Variants in TEX9 observed in about 807,000 individuals in gnomAD.
TEX9 encodes testis expressed 9.
Under a neutral mutation model 59.6 loss-of-function variants are expected in TEX9, and 74 were observed. The ratio of observed to expected loss-of-function variants is 1.24; its 90% confidence interval spans 1.03 to 1.51. The LOEUF (loss-of-function observed/expected upper bound fraction) is 1.51. Ranked by LOEUF, TEX9 falls within the 40% of genes most tolerant of loss-of-function variation. The pLI is 0.00. For missense variants in TEX9, 522 were observed against 447.8 expected, an observed-to-expected ratio of 1.17 and a Z score of -1.49; for synonymous variants, 186 against 152.2, an observed-to-expected ratio of 1.22 and a Z score of -1.64.
At chr15:56,431,859 A>C (rs967091836) in intron 12 of TEX9, among the ~76,000 whole-genome samples, 1 of 151,974 alleles carries the variant, frequency 6.6e-6, no homozygotes, top group Non-Finnish European at 1.5e-5. Context: ...AAAACAAAAA[A>C]TAGTGAATAA....
At position 56,405,747 on chromosome 15, in the gene TEX9, T is replaced by C. The variant is rs1288148576; in HGVS notation, c.829-6555T>C. Among the ~76,000 whole-genome samples, 3 of 152,228 alleles carry C rather than the reference T, an allele frequency of 2.0e-5. No homozygotes were observed. The East Asian group carries it at 5.8e-4, about 29-fold the overall frequency. On this transcript the variant is annotated intron_variant, in intron 9 of 12. Coordinates refer to ENST00000352903, the Ensembl canonical transcript of TEX9. ...ATCTCTATACAAACAAATCTCGGTG[T>C]ACAGTTCACAGAAAATGCCAGAGCT...
chr15:56,403,880 G>A (rs1279873431), intron 9 of TEX9, among the ~76,000 whole-genome samples: 1 of 152,220 alleles, frequency 6.6e-6, no homozygotes, highest in Non-Finnish European at 1.5e-5. Context: ...AAGAAATGGG[G>A]AAAGGAGTCC....
intron 2 of TEX9, among the ~76,000 whole-genome samples, chr15:56,373,054 A>G (rs145504964): frequency 5.2e-4 from 79 of 152,290 alleles, no homozygotes; most frequent in African/African-American, 1.8e-3. Context: ...ACTTCTGCCC[A>G]CATTAGAGCA....
chr15:56,310,183 A>G (rs1186109444), intron 1 of TEX9, among the ~76,000 whole-genome samples: 1 of 152,102 alleles, frequency 6.6e-6, no homozygotes, highest in Non-Finnish European at 1.5e-5. Flanking sequence ...TGTAATCCCG[A>G]CACTTTGGGA....
intron 9 of TEX9, among the ~76,000 whole-genome samples, chr15:56,411,931 C>G (rs1324408210): frequency 1.3e-5 from 2 of 152,080 alleles, no homozygotes. Flanking sequence ...GAGAGTTTCT[C>G]TTAACATTGG....
At chr15:56,454,015 C>T in the TEX9 span, among the ~76,000 whole-genome samples, 1 of 152,084 alleles carries the variant, frequency 6.6e-6, no homozygotes, top group Non-Finnish European at 1.5e-5. Flanking sequence ...TCCATTTCTG[C>T]ATGACAGTGA....
intron 3 of TEX9, chr15:56,374,517 C>A (rs1034188002): frequency 6.6e-6 from 1 of 152,066 alleles, no homozygotes; most frequent in Admixed American, 6.6e-5. Context: ...TCCATCCCCT[C>A]AAGTATTTAT....
At chr15:56,377,243 G>A (rs562274338) in intron 3 of TEX9, among the ~76,000 whole-genome samples, 2 of 152,114 alleles carry the variant, frequency 1.3e-5, no homozygotes, top group Admixed American at 1.3e-4. Flanking sequence ...TTCTGAGTCT[G>A]TTGTGGTTCC....
At position 56,334,781 on chromosome 15, in the gene TEX9, A is replaced by G. The variant is rs189052057; in HGVS notation, c.-106-38660A>G. On this transcript the variant is annotated intron_variant, in intron 1 of 5. Coordinates refer to the TEX9 transcript ENST00000560827. ...GACAAGCGATTAATAACCAGAATATATAAGGAGCTCAAACAACTCCATAGG... is the reference window on the plus strand; with the variant it reads ...GACAAGCGATTAATAACCAGAATATGTAAGGAGCTCAAACAACTCCATAGG... Among the ~76,000 whole-genome samples, 8 of 152,342 alleles carry G rather than the reference A, an allele frequency of 5.3e-5. No individual in the cohort carries two copies. In the East Asian group the frequency reaches 1.5e-3, roughly 29 times the overall value.
At chr15:56,389,513 AT>A in intron 6 of TEX9, 113 bp downstream of exon 6, 1 of 723,736 alleles carries the variant, frequency 1.4e-6, no homozygotes, top group Non-Finnish European at 2.3e-6. Flanking sequence ...CACCCTAAAC[AT>A]TAAGTTACAC....
At chr15:56,386,108 A>G (rs909028939) in intron 4 of TEX9, among the ~76,000 whole-genome samples, 1 of 152,260 alleles carries the variant, frequency 6.6e-6, no homozygotes, top group East Asian at 1.9e-4. Context: ...ATGGAATACT[A>G]CTTGGCAATA....
intron 1 of TEX9, among the ~76,000 whole-genome samples, chr15:56,282,450 G>T (rs1260213364): frequency 2.0e-5 from 3 of 152,100 alleles, no homozygotes; most frequent in Non-Finnish European, 2.9e-5. Context: ...ATGCTAGGGT[G>T]TCCACCGTTA....
intron 1 of TEX9, among the ~76,000 whole-genome samples, chr15:56,344,771 A>G (rs542364981): frequency 6.6e-6 from 1 of 152,238 alleles, no homozygotes; most frequent in East Asian, 1.9e-4. Context: ...CAATGTATAC[A>G]AAGTCTAATG....
downstream of TEX9, chr15:56,446,905 G>A (rs1166563761): frequency 6.2e-7 from 1 of 1,609,624 alleles, no homozygotes; most frequent in East Asian, 2.2e-5. Flanking sequence ...ATTCATGTAA[G>A]CTGCTTTTAA....
chr15:56,346,911 A>C (rs75393377), intron 1 of TEX9, among the ~76,000 whole-genome samples: 2,598 of 152,300 alleles, frequency 0.017, 71 homozygotes, highest in African/African-American at 0.059. Flanking sequence ...GTACAAAAGA[A>C]ATTGTATTTC....
intron 1 of TEX9, among the ~76,000 whole-genome samples, chr15:56,300,703 GA>G (rs2045330114): frequency 5.6e-5 from 6 of 107,556 alleles, no homozygotes; most frequent in Admixed American, 3.2e-4. Flanking sequence ...GAGAGAGAGA[GA>G]GAGGGAGAGA....
intron 1 of TEX9, among the ~76,000 whole-genome samples, chr15:56,356,064 C>T (rs1276270386): frequency 3.3e-5 from 5 of 152,026 alleles, no homozygotes; most frequent in Non-Finnish European, 5.9e-5. Context: ...TTTCTAAGTA[C>T]ATATGATGTC....
At chr15:56,317,758 A>G (rs1292251846) in intron 1 of TEX9, among the ~76,000 whole-genome samples, 4 of 152,088 alleles carry the variant, frequency 2.6e-5, no homozygotes, top group Admixed American at 1.3e-4. Flanking sequence ...TTGTGATTTC[A>G]TCTTTGACAA....
downstream of TEX9, among the ~76,000 whole-genome samples, chr15:56,450,376 C>T (rs2050939610): frequency 6.6e-6 from 1 of 151,974 alleles, no homozygotes; most frequent in South Asian, 2.1e-4. Context: ...TTTTTCATTC[C>T]CCCCAAAGAG....
Sources: gnomAD v4.1 joint callset for allele counts (sites outside exome capture counted in the v4.1 genomes callset) on GRCh38, gnomAD v4.1.1 for gene constraint, MANE v1.5 for transcripts, NCBI Gene and HGNC (gene_info 2026-07-23, HGNC 2026-07-21) for gene names.